The following CSMD1 variants were observed in gnomAD, a reference collection of about 807,000 sequenced individuals.
CSMD1 encodes the protein CUB and sushi domain-containing protein 1.
Under a neutral mutation model 417.5 loss-of-function variants are expected in CSMD1, and 213 were observed. That is an observed-to-expected ratio of 0.51 (90% confidence interval 0.46 to 0.57). The LOEUF (loss-of-function observed/expected upper bound fraction) is 0.57. Ranked by LOEUF, CSMD1 falls within the 20% of genes least tolerant of loss-of-function variation. The pLI is 0.00. For synonymous variants in CSMD1, 2,862 were observed against 1,736.8 expected (o/e 1.65, Z -16.11); for missense variants, 6,923 against 4,529.7 (o/e 1.53, Z -15.17).
chr8:3,294,313 A>G (rs184322463), intron 25 of CSMD1, among the ~76,000 whole-genome samples: 6 of 152,216 alleles, frequency 3.9e-5, no homozygotes, highest in Admixed American at 2.6e-4. Context: ...TGAGATCTCA[A>G]GCTGTGTGCT....
intron 3 of CSMD1, among the ~76,000 whole-genome samples, chr8:4,293,724 C>T (rs1797507862): frequency 6.6e-6 from 1 of 152,146 alleles, no homozygotes; most frequent in Admixed American, 6.6e-5. Context: ...AAAAAAGATG[C>T]TTTAGACATA....
At chr8:3,392,800 G>A (rs565841659) in intron 17 of CSMD1, among the ~76,000 whole-genome samples, 6 of 152,176 alleles carry the variant, frequency 3.9e-5, no homozygotes, top group South Asian at 4.1e-4. Context: ...CCGGGTAAAC[G>A]GGGACACCCT....
At chr8:4,067,974 G>A (rs77204731) in intron 3 of CSMD1, among the ~76,000 whole-genome samples, 10,504 of 152,152 alleles carry the variant, frequency 0.069, 965 homozygotes, top group East Asian at 0.34. Context: ...CTACTTGGGA[G>A]GCTGAGAAAG....
intron 5 of CSMD1, among the ~76,000 whole-genome samples, chr8:3,823,348 T>A (rs959965249): frequency 2.0e-5 from 3 of 152,180 alleles, no homozygotes; most frequent in Non-Finnish European, 4.4e-5. Context: ...AGTACTCTCA[T>A]TTTTAATCCC....
intron 4 of CSMD1, among the ~76,000 whole-genome samples, chr8:3,999,272 G>C (rs1019688264): frequency 7.9e-5 from 12 of 152,024 alleles, no homozygotes; most frequent in Non-Finnish European, 1.3e-4. Flanking sequence ...TTACCAAGAT[G>C]GGGGGAGTTT....
rs1331372716 is a variant in CSMD1, at chr8:3,948,227, TAAC to T, written c.818+49673_818+49675del. Among the ~76,000 whole-genome samples, 85 of 152,110 alleles carry T rather than the reference TAAC, an allele frequency of 5.6e-4. 2 individuals are homozygous for T. The highest frequency in any genetic ancestry group is 6.8e-3 in the Middle Eastern group (2 of 294). On this transcript the variant is annotated intron_variant, in intron 5 of 69. Coordinates refer to ENST00000635120, the MANE Select transcript of CSMD1 (RefSeq NM_033225.6). ...TAAATAATAACAATAATAATAATAA[TAAC>T]AACAAGTGTCGCAGACATAGTATGT...
intron 5 of CSMD1, among the ~76,000 whole-genome samples, chr8:3,867,222 G>A (rs1360382409): frequency 6.6e-6 from 1 of 152,084 alleles, no homozygotes; most frequent in Non-Finnish European, 1.5e-5. Context: ...ATTAATGCAT[G>A]AATAAATTAG....
chr8:4,393,415 G>A (rs958724783), intron 3 of CSMD1, among the ~76,000 whole-genome samples: 2 of 152,168 alleles, frequency 1.3e-5, no homozygotes, highest in Admixed American at 6.5e-5. Flanking sequence ...TCATTTAATA[G>A]GGAAAATACA....
chr8:2,970,565 G>A (rs926452957), intron 57 of CSMD1, among the ~76,000 whole-genome samples: 3 of 152,112 alleles, frequency 2.0e-5, no homozygotes, highest in Non-Finnish European at 4.4e-5. Flanking sequence ...TTGACATCCA[G>A]CCCTCTTTGT....
At chr8:4,876,759 C>A (rs1454948612) in intron 1 of CSMD1, among the ~76,000 whole-genome samples, 1 of 152,120 alleles carries the variant, frequency 6.6e-6, no homozygotes. Flanking sequence ...CAGTTTACAT[C>A]TGGAGTCATT....
At chr8:4,155,942 G>A (rs1317096324) in intron 3 of CSMD1, among the ~76,000 whole-genome samples, 1 of 152,144 alleles carries the variant, frequency 6.6e-6, no homozygotes, top group East Asian at 1.9e-4. Flanking sequence ...CAGGTGTTCT[G>A]CAGCTGCACA....
intron 6 of CSMD1, among the ~76,000 whole-genome samples, chr8:3,726,657 G>A (rs566468168): frequency 5.3e-5 from 8 of 152,158 alleles, no homozygotes; most frequent in African/African-American, 1.7e-4. Flanking sequence ...CATCATACAG[G>A]TGACATCAGT....
chr8:4,808,376 T>A (rs891857481), intron 1 of CSMD1, among the ~76,000 whole-genome samples: 1 of 152,230 alleles, frequency 6.6e-6, no homozygotes, highest in East Asian at 1.9e-4. Context: ...ATCTAGATTA[T>A]AGACCCTTTT....
intron 3 of CSMD1, among the ~76,000 whole-genome samples, chr8:4,193,874 C>G (rs1434534399): frequency 6.6e-6 from 1 of 151,930 alleles, no homozygotes; most frequent in Non-Finnish European, 1.5e-5. Context: ...CGAGAAGCCT[C>G]AGCAGAACTG....
At chr8:2,949,705 C>G (rs1238664344) in intron 67 of CSMD1, among the ~76,000 whole-genome samples, 1 of 152,064 alleles carries the variant, frequency 6.6e-6, no homozygotes, top group African/African-American at 2.4e-5. Context: ...AAGAAATAAT[C>G]TACATTATGT....
intron 10 of CSMD1, among the ~76,000 whole-genome samples, chr8:3,537,452 T>C (rs572262843): frequency 3.9e-5 from 6 of 152,236 alleles, no homozygotes; most frequent in Non-Finnish European, 8.8e-5. Context: ...TGTTAGCTAA[T>C]TGTAACATAA....
intron 7 of CSMD1, among the ~76,000 whole-genome samples, chr8:3,637,000 G>C (rs373766525): frequency 5.9e-5 from 9 of 152,128 alleles, no homozygotes; most frequent in African/African-American, 1.7e-4. Flanking sequence ...CTCTCTGCTT[G>C]TTGCCCATCT....
chr8:3,800,426 G>C (rs1267635835), intron 5 of CSMD1, among the ~76,000 whole-genome samples: 1 of 152,128 alleles, frequency 6.6e-6, no homozygotes, highest in Non-Finnish European at 1.5e-5. Context: ...AAGTGCTTGA[G>C]AAATAGTATA....
At chr8:4,916,206 C>T (rs1308890419) in intron 1 of CSMD1, among the ~76,000 whole-genome samples, 1 of 152,170 alleles carries the variant, frequency 6.6e-6, no homozygotes, top group Non-Finnish European at 1.5e-5. Flanking sequence ...TGTGAGGCAG[C>T]TCCGTAGATG....
Sources: allele counts gnomAD v4.1 joint callset (sites outside exome capture counted in the v4.1 genomes callset), GRCh38; gene constraint gnomAD v4.1.1; transcripts MANE v1.5; gene names NCBI Gene and HGNC (gene_info 2026-07-23, HGNC 2026-07-21).